ZNF426: variants seen among roughly 807,000 people sequenced by gnomAD.
ZNF426 encodes the protein zinc finger protein 426.
ZNF426 carries 23 observed loss-of-function variants against 24.0 expected under a neutral mutation model. That is an observed-to-expected ratio of 0.96 (90% confidence interval 0.69 to 1.36). The LOEUF is 1.36. Ranked by LOEUF, ZNF426 falls within the 40% of genes most tolerant of loss-of-function variation. The pLI is 0.00. For missense variants in ZNF426, 646 were observed against 658.4 expected (o/e 0.98, Z 0.21); for synonymous variants, 272 against 224.6 (o/e 1.21, Z -1.89).
Position 9,536,176 on chromosome 19 carries a change from C to G in ZNF426, c.25+32G>C, listed in dbSNP as rs373129689. ...TATATTGTGTAAAGGGAACCTAGAA[C>G]AGGATATCCTAAAAAGAGCAACAGA... On this transcript the variant is annotated intron_variant, in intron 3 of 7. Coordinates refer to ENST00000253115, the MANE Select transcript of ZNF426 (RefSeq NM_024106.3). 173 of 1,614,074 alleles carry G rather than the reference C, an allele frequency of 1.1e-4. No homozygotes were observed. The Middle Eastern group carries it at 1.8e-3, about 17-fold the overall frequency.
Position 9,534,933 on chromosome 19 carries a change from G to A in ZNF426, c.117+255C>T, listed in dbSNP as rs578087385. 3.3e-5 allele frequency among the ~76,000 whole-genome samples: 5 copies of A among 152,122 alleles called. No homozygotes were observed. In the South Asian group the frequency reaches 1.0e-3, roughly 32 times the overall value. On this transcript the variant is annotated intron_variant, in intron 4 of 7. Coordinates refer to ENST00000253115, the MANE Select transcript of ZNF426 (RefSeq NM_024106.3). ...AAGTTAGCACCTCCCTATATGGGTGGCCCCAACCCTTGGGGAAATTCAAAT... is the reference window on the plus strand; with the variant it reads ...AAGTTAGCACCTCCCTATATGGGTGACCCCAACCCTTGGGGAAATTCAAAT...
At position 9,535,311 on chromosome 19, in the gene ZNF426, G is replaced by C. The variant is rs192832183; in HGVS notation, c.26-32C>G. 1.4e-3 allele frequency: 2,108 copies of C among 1,549,278 alleles called. 6 individuals carry two copies. The highest frequency in any genetic ancestry group is 2.2e-3 in the Middle Eastern group (13 of 5,880). ...GAAAATGAAGGCAAGAGAACCCCGA[G>C]CTGACCATAATCCCCACATCCACCT... is the stretch of plus-strand genomic sequence containing the variant. On this transcript the variant is annotated intron_variant, in intron 3 of 7. Transcript: ENST00000253115.
chr19:9,529,738 C>T, intron 7 of ZNF426, 102 bp from the exon 8 acceptor site: 2 of 1,147,116 alleles, frequency 1.7e-6, no homozygotes, highest in South Asian at 1.6e-5. Flanking sequence ...ATAATTGATG[C>T]CATTTTTATT....
chr19:9,533,915 T>G lies in ZNF426; in HGVS notation c.169A>C (p.Thr57Pro), dbSNP rs1286120015. Residue 57 changes from threonine (T) to proline (P), a missense_variant, in exon 5 of 8, where the codon ACT (threonine) becomes CCT (proline). By Grantham distance (38) the Thr-to-Pro change is conservative (BLOSUM62 -1). Transcript: ENST00000253115. Reference protein sequence around the residue: ...VAVDFTQEEWTLLDSTQRSLY... With the variant: ...VAVDFTQEEWPLLDSTQRSLY... The stretch of plus-strand genomic sequence containing the variant: ...CTTCTCTGAGTTGAGTCCAGTAAAG[T>G]CCACTCCTCCTGGGTGAAGTCCACA... 6.2e-7 allele frequency: 1 copy of G among 1,614,058 alleles called. No individual in the cohort carries two copies. The highest frequency in any genetic ancestry group is 2.2e-5 in the East Asian group (1 of 44,860).
intron 3 of ZNF426, 96 bp downstream of exon 3, chr19:9,536,112 G>C (rs2073961551): frequency 1.3e-6 from 2 of 1,540,500 alleles, no homozygotes; most frequent in Admixed American, 3.4e-5. Context: ...CCTCCCAAAT[G>C]AATCAGCAAC....
chr19:9,531,029 G>T lies in ZNF426; in HGVS notation c.364C>A (p.Gln122Lys), dbSNP rs775150500. Residue 122 changes from glutamine to lysine, a missense_variant, in exon 7 of 8, where the codon CAG (glutamine) becomes AAG (lysine). Transcript: ENST00000253115. ...MRLETQWSIL[Q>K]QDFLRGQTSI... ...GTCTGACCCCTCAAAAAGTCCTGCT[G>T]AAGTATAGACCACTGGGTTTCAAGT... 1 of 1,613,954 alleles carries T rather than the reference G, an allele frequency of 6.2e-7. No individual in the cohort carries two copies. Among genetic ancestry groups the T allele is most frequent in the African/African-American group, 1.3e-5 (1 of 74,914 alleles).
rs1331754043 is a variant in ZNF426, at chr19:9,526,139, CAATAG to C, written c.*2236_*2240del. ...GCAAGACTGACATCTAATCCCTGGA[CAATAG>C]AATGCTGCCCCTCTCCCCACAGCTT... On this transcript the variant is annotated 3_prime_UTR_variant, in exon 8 of 8. Transcript: ENST00000253115. The C allele has an allele frequency of 6.6e-6, 1 of 151,628 alleles. No homozygotes were observed. Among genetic ancestry groups the C allele is most frequent in the Non-Finnish European group, 1.5e-5 (1 of 68,026 alleles). The allele number at this position is 151,628 out of a possible 1,614,324, so 9.4% of individuals were successfully genotyped here. A position where few individuals can be genotyped will look rare whatever the true frequency, so the allele number is the denominator to read the frequency against.
intron 7 of ZNF426, among the ~76,000 whole-genome samples, 166 bp from the exon 8 acceptor site, chr19:9,529,802 C>G (rs536217535): frequency 1.2e-4 from 18 of 152,278 alleles, no homozygotes; most frequent in East Asian, 5.8e-4. Flanking sequence ...TGACTTAACT[C>G]TTATTCTAGA....
rs760169066 is a variant in ZNF426, at chr19:9,529,557, G to T, written c.488C>A (p.Thr163Lys). The T allele has an allele frequency of 2.5e-5, 41 of 1,609,838 alleles. No homozygotes were observed. The highest frequency in any genetic ancestry group is 3.4e-5 in the Non-Finnish European group (40 of 1,179,984). ...EVFSEHSCLK[T>K]HVRTQSTGNT... is the part of the protein sequence containing the mutation. ...CCCTGTACTTTGAGTTCTCACGTGC[G>T]TCTTAAGGCATGAGTGTTCACTGAA... The change falls in exon 8 of 8, where the codon ACG (threonine) becomes AAG (lysine). Residue 163 changes from threonine (T) to lysine (K), a missense_variant. Coordinates refer to ENST00000253115, the MANE Select transcript of ZNF426 (RefSeq NM_024106.3).
intron 6 of ZNF426, among the ~76,000 whole-genome samples, chr19:9,532,270 CTTTTT>C: frequency 7.3e-6 from 1 of 137,326 alleles, no homozygotes; most frequent in South Asian, 2.3e-4. Context: ...GGAAATTTTT[CTTTTT>C]TTCTTTTTTT....
rs757031603 is a variant in ZNF426, at chr19:9,529,570, A to G, written c.475T>C (p.Ser159Pro). The G allele has an allele frequency of 1.2e-6, 2 of 1,608,866 alleles. No individual in the cohort carries two copies. Among genetic ancestry groups the G allele is most frequent in the Non-Finnish European group, 1.7e-6 (2 of 1,179,970 alleles). Residue 159 changes from serine to proline, a missense_variant, in exon 8 of 8, where the codon TCA (serine) becomes CCA (proline). Transcript: ENST00000253115. ...GTTCTCACGTGCGTCTTAAGGCATG[A>G]GTGTTCACTGAAGACTTCTCCACAT... The part of the protein sequence containing the change: ...EQCGEVFSEH[S>P]CLKTHVRTQS...
intron 2 of ZNF426, among the ~76,000 whole-genome samples, chr19:9,537,045 G>A (rs1017105963): frequency 6.6e-6 from 1 of 151,828 alleles, no homozygotes; most frequent in Non-Finnish European, 1.5e-5. Flanking sequence ...CAGGAGAATC[G>A]CTTGATCCTG....
intron 3 of ZNF426, 122 bp from the exon 4 acceptor site, chr19:9,535,401 C>T: frequency 6.1e-6 from 4 of 658,264 alleles, no homozygotes; most frequent in South Asian, 1.8e-5. Flanking sequence ...GGAAAACACA[C>T]ATAAGGCCAG....
At chr19:9,534,677 C>T (rs1468499043) in intron 4 of ZNF426, among the ~76,000 whole-genome samples, 1 of 152,026 alleles carries the variant, frequency 6.6e-6, no homozygotes, top group Non-Finnish European at 1.5e-5. Context: ...TCACTGCAGC[C>T]TCAACCTCCA....
At position 9,531,035 on chromosome 19, in the gene ZNF426, T is replaced by G. The variant is rs377088245; in HGVS notation, c.358A>C (p.Ile120Leu). The G allele has an allele frequency of 2.5e-6, 4 of 1,614,154 alleles. No individual in the cohort carries two copies. In the South Asian group the frequency reaches 3.3e-5, roughly 13 times the overall value. Reference sequence around the variant, plus strand: ...CCCCTCAAAAAGTCCTGCTGAAGTATAGACCACTGGGTTTCAAGTCGCATT... The same window carrying G: ...CCCCTCAAAAAGTCCTGCTGAAGTAGAGACCACTGGGTTTCAAGTCGCATT... ...WEMRLETQWSILQQDFLRGQT... is the reference protein window; with the variant it reads ...WEMRLETQWSLLQQDFLRGQT... Residue 120 changes from isoleucine to leucine, a missense_variant, in exon 7 of 8, where the codon ATA becomes CTA. Physicochemically the swap from Ile to Leu is conservative, Grantham distance 5. Transcript: ENST00000253115.
chr19:9,524,236 A>G lies in ZNF426; in HGVS notation c.*4144T>C, dbSNP rs1017126861. The G allele has an allele frequency of 6.6e-6, 1 of 152,228 alleles. No homozygotes were observed. Among genetic ancestry groups the G allele is most frequent in the Admixed American group, 6.5e-5 (1 of 15,286 alleles). 9.4% of individuals were successfully genotyped at this position (152,228 alleles called of 1,614,324 possible). A position where few individuals can be genotyped will look rare whatever the true frequency, so the allele number is the denominator to read the frequency against. ...GAGTTTTGTGGTATCAGTCCTATGG[A>G]TTAAATGAAGCCTTTCCCATATTTT... On this transcript the variant is annotated 3_prime_UTR_variant, in exon 8 of 8. Transcript: ENST00000253115.
In ZNF426 at chr19:9,523,397, CCT is replaced by C. The variant is rs2073761539; in HGVS notation, c.*4981_*4982del. 6.6e-6 allele frequency: 1 copy of C among 152,142 alleles called. No individual in the cohort carries two copies. Among genetic ancestry groups the C allele is most frequent in the Non-Finnish European group, 1.5e-5 (1 of 68,024 alleles). The allele number at this position is 152,142 out of a possible 1,614,324, so 9.4% of individuals were successfully genotyped here. ...CGGTCACTTCACATAAAATTCTGTG[CCT>C]GCTACCCTGGTATCTCTTTCACTTC... On this transcript the variant is annotated 3_prime_UTR_variant, in exon 8 of 8. Transcript: ENST00000253115.
chr19:9,532,972 T>C (rs765411600), intron 5 of ZNF426, 47 bp from the exon 6 acceptor site: 1 of 1,484,804 alleles, frequency 6.7e-7, no homozygotes, highest in Non-Finnish European at 9.4e-7. Flanking sequence ...TAAAAAAGAT[T>C]ACAAACCTTT....
At position 9,528,681 on chromosome 19, in the gene ZNF426, T is replaced by C; in HGVS notation, c.1364A>G (p.Lys455Arg). ...QKPYTCKECG[K>R]AFNYSTHLKI... Reference sequence around the variant, plus strand: ...AAGGTGGGTGGAATAGTTAAAAGCCTTCCCACATTCCTTACAGGTGTATGG... The same window carrying C: ...AAGGTGGGTGGAATAGTTAAAAGCCCTCCCACATTCCTTACAGGTGTATGG... The change falls in exon 8 of 8, where the codon AAG (lysine) becomes AGG (arginine). Residue 455 changes from lysine to arginine, a missense_variant. Transcript: ENST00000253115. The C allele has an allele frequency of 6.2e-7, 1 of 1,614,226 alleles. No homozygotes were observed. The highest frequency in any genetic ancestry group is 8.5e-7 in the Non-Finnish European group (1 of 1,180,040).
Sources: gnomAD v4.1 joint callset for allele counts (sites outside exome capture counted in the v4.1 genomes callset) on GRCh38, gnomAD v4.1.1 for gene constraint, MANE v1.5 for transcripts, NCBI Gene and HGNC (gene_info 2026-07-23, HGNC 2026-07-21) for gene names.